GAP43: variants seen among roughly 807,000 people sequenced by gnomAD.
GAP43 encodes neuromodulin.
GAP43 carries 6 observed loss-of-function variants against 18.6 expected under a neutral mutation model. The ratio of observed to expected loss-of-function variants is 0.32; its 90% CI spans 0.18 to 0.64. GAP43 has a LOEUF of 0.64. Ranked by LOEUF, GAP43 falls within the 30% of genes least tolerant of loss-of-function variation. The pLI is 0.78. For missense variants in GAP43, 292 were observed against 295.5 expected, an observed-to-expected ratio of 0.99 and a Z score of 0.09; for synonymous variants, 115 against 111.4, an observed-to-expected ratio of 1.03 and a Z score of -0.20.
chr3:115,676,711 A>T (rs1010498034), intron 2 of GAP43, 101 bp downstream of exon 2: 1 of 1,230,954 alleles, frequency 8.1e-7, no homozygotes, highest in African/African-American at 1.5e-5. Flanking sequence ...GAAAAAGTCT[A>T]GAAGATGTTT....
At chr3:115,688,925 A>C (rs1176482133) in intron 2 of GAP43, among the ~76,000 whole-genome samples, 1 of 152,256 alleles carries the variant, frequency 6.6e-6, no homozygotes, top group Non-Finnish European at 1.5e-5. Context: ...AGGAGGCCTC[A>C]TATGATCTCA....
intron 2 of GAP43, among the ~76,000 whole-genome samples, chr3:115,682,507 G>T (rs987150459): frequency 3.3e-5 from 5 of 152,096 alleles, no homozygotes; most frequent in Admixed American, 6.5e-5. Flanking sequence ...AAATATTAAA[G>T]AACTTAATAG....
intron 1 of GAP43, among the ~76,000 whole-genome samples, chr3:115,662,170 G>T (rs1708670291): frequency 6.6e-6 from 1 of 152,162 alleles, no homozygotes; most frequent in South Asian, 2.1e-4. Context: ...TATGAGAATA[G>T]TACTTCTAGG....
intron 1 of GAP43, among the ~76,000 whole-genome samples, chr3:115,625,635 A>T (rs1708178320): frequency 6.6e-6 from 1 of 152,124 alleles, no homozygotes. Context: ...CATCTCCTTT[A>T]ATAAAGGAAA....
chr3:115,698,317 A>T (rs1293661949), intron 2 of GAP43, among the ~76,000 whole-genome samples: 25 of 91,316 alleles, frequency 2.7e-4, no homozygotes, highest in African/African-American at 1.1e-3. Flanking sequence ...AATATATATA[A>T]TATATATATA....
chr3:115,699,185 A>C (rs1709263736), intron 2 of GAP43, among the ~76,000 whole-genome samples: 1 of 152,200 alleles, frequency 6.6e-6, no homozygotes, highest in South Asian at 2.1e-4. Context: ...CATCTTGAGC[A>C]TCCTGCATCC....
intron 2 of GAP43, among the ~76,000 whole-genome samples, chr3:115,685,338 AC>A (rs1025251839): frequency 6.6e-5 from 10 of 152,204 alleles, no homozygotes; most frequent in Non-Finnish European, 1.5e-4. Flanking sequence ...CTAGTGTGTG[AC>A]AGAAACACCC....
chr3:115,666,902 A>G (rs1223328525), intron 1 of GAP43, among the ~76,000 whole-genome samples: 4 of 152,210 alleles, frequency 2.6e-5, no homozygotes, highest in Admixed American at 6.5e-5. Flanking sequence ...TCACATGATC[A>G]TGATGAGGAT....
At position 115,654,743 on chromosome 3, in the gene GAP43, A is replaced by C. The variant is rs145013108; in HGVS notation, c.31-21270A>C. Among the ~76,000 whole-genome samples the C allele has an allele frequency of 1.8e-4, 27 of 152,336 alleles. No homozygotes were observed. In the East Asian group the frequency reaches 4.4e-3, roughly 25 times the overall value. ...AGAGGGTCATGTTCCTATAAACAGC[A>C]TCATGATAATTATATCCACTGCTGC... On this transcript the variant is annotated intron_variant, in intron 1 of 2. Transcript: ENST00000305124.
chr3:115,668,826 T>A (rs1708767900), intron 1 of GAP43, among the ~76,000 whole-genome samples: 1 of 152,004 alleles, frequency 6.6e-6, no homozygotes, highest in Non-Finnish European at 1.5e-5. Flanking sequence ...ATGGCTTGAG[T>A]CCAGGAGTTT....
chr3:115,669,993 T>A (rs1708794765), intron 1 of GAP43, among the ~76,000 whole-genome samples: 1 of 127,786 alleles, frequency 7.8e-6, no homozygotes, highest in African/African-American at 2.9e-5. Context: ...TAATTTTTTT[T>A]TTAATTTTTT....
intron 1 of GAP43, among the ~76,000 whole-genome samples, chr3:115,652,518 G>A (rs367941617): frequency 6.6e-6 from 1 of 151,794 alleles, no homozygotes; most frequent in African/African-American, 2.4e-5. Flanking sequence ...CCGAGTGACT[G>A]AGACTACAGG....
chr3:115,652,979 C>T (rs779737941), intron 1 of GAP43, among the ~76,000 whole-genome samples: 51 of 152,108 alleles, frequency 3.4e-4, no homozygotes, highest in Admixed American at 8.5e-4. Flanking sequence ...GAGGAAGTTA[C>T]CAGCCAAAGA....
chr3:115,652,941 T>A (rs530262148), intron 1 of GAP43, among the ~76,000 whole-genome samples: 44 of 152,304 alleles, frequency 2.9e-4, no homozygotes, highest in Non-Finnish European at 5.7e-4. Flanking sequence ...TGCAACTGAA[T>A]GTGTTCTGCT....
At chr3:115,707,951 T>C (rs1157937627) in intron 2 of GAP43, among the ~76,000 whole-genome samples, 3 of 151,928 alleles carry the variant, frequency 2.0e-5, no homozygotes, top group African/African-American at 7.3e-5. Flanking sequence ...TTTGGTGACA[T>C]CTACATGTCA....
chr3:115,630,412 T>C (rs1274448399), intron 1 of GAP43, among the ~76,000 whole-genome samples: 1 of 152,170 alleles, frequency 6.6e-6, no homozygotes, highest in Non-Finnish European at 1.5e-5. Context: ...TAAAGGAATG[T>C]TAGTACCAGA....
At chr3:115,678,417 G>A (rs1708920382) in intron 2 of GAP43, among the ~76,000 whole-genome samples, 1 of 152,132 alleles carries the variant, frequency 6.6e-6, no homozygotes, top group South Asian at 2.1e-4. Flanking sequence ...TTTTGAATCA[G>A]TAGGAAGTCT....
At chr3:115,651,175 A>T (rs1576982512) in intron 1 of GAP43, among the ~76,000 whole-genome samples, 2 of 152,228 alleles carry the variant, frequency 1.3e-5, no homozygotes, top group Admixed American at 6.5e-5. Flanking sequence ...ATTCTGTCAC[A>T]CTGAGAAACC....
chr3:115,678,433 A>G (rs1296582917), intron 2 of GAP43, among the ~76,000 whole-genome samples: 2 of 152,160 alleles, frequency 1.3e-5, no homozygotes, highest in African/African-American at 4.8e-5. Flanking sequence ...AGTCTAATAT[A>G]TAATATATTT....
Sources: allele counts gnomAD v4.1 joint callset (sites outside exome capture counted in the v4.1 genomes callset), GRCh38; gene constraint gnomAD v4.1.1; transcripts MANE v1.5; gene names NCBI Gene and HGNC (gene_info 2026-07-23, HGNC 2026-07-21).